Variants in CNTN4 observed in about 807,000 individuals in gnomAD.
The protein encoded by CNTN4 is contactin-4.
CNTN4 carries 77 observed loss-of-function variants against 122.5 expected under a neutral mutation model. The ratio of observed to expected loss-of-function variants is 0.63; its 90% CI spans 0.52 to 0.76. The LOEUF is 0.76. Among genes scored for constraint, CNTN4 ranks in the 30% least tolerant of loss-of-function variants. The probability of loss-of-function intolerance (pLI) is 0.00; values close to 1 mark genes in which losing one functional copy is unlikely to be tolerated. For missense variants in CNTN4, 1,256 were observed against 1,259.1 expected, an observed-to-expected ratio of 1.00 and a Z score of 0.04; for synonymous variants, 512 against 447.0, an observed-to-expected ratio of 1.15 and a Z score of -1.83.
At chr3:2,679,252 T>C (rs940797385) in intron 4 of CNTN4, among the ~76,000 whole-genome samples, 7 of 152,202 alleles carry the variant, frequency 4.6e-5, no homozygotes, top group African/African-American at 1.4e-4. Context: ...ATTGGAGATA[T>C]TGCCTTTTCT....
intron 3 of CNTN4, among the ~76,000 whole-genome samples, chr3:2,521,343 T>TCGTCCCCCCCCCCCCCCCC (rs781282977): frequency 7.8e-6 from 1 of 128,310 alleles, no homozygotes; most frequent in Non-Finnish European, 1.6e-5. Context: ...CCTCTACCCA[T>TCGTCCCCCCCCCCCCCCCC]CCCCCCCACC....
intron 6 of CNTN4, among the ~76,000 whole-genome samples, chr3:2,749,906 C>A (rs1182165726): frequency 1.3e-5 from 2 of 152,122 alleles, no homozygotes; most frequent in Non-Finnish European, 2.9e-5. Context: ...ACAGTGACAT[C>A]TTTTGAATGT....
rs185458080 is a variant in CNTN4 at position 2,840,486 on chromosome 3, G to A, written c.454+20905G>A. On this transcript the variant is annotated intron_variant, in intron 7 of 24. Transcript: ENST00000418658. ...GAGGCCGAGGCGGGCGGATCACGAGGTCAGGAGATCGAGACCATCCTGGCT... is the reference window on the plus strand; with the variant it reads ...GAGGCCGAGGCGGGCGGATCACGAGATCAGGAGATCGAGACCATCCTGGCT... Among the ~76,000 whole-genome samples the A allele has an allele frequency of 5.9e-4, 85 of 144,406 alleles. No homozygotes were observed. The East Asian group carries it at 1.0e-2, about 17-fold the overall frequency. The allele number at this position is 144,406 out of a possible 152,430, so 94.7% of individuals were successfully genotyped here. A position where few individuals can be genotyped will look rare whatever the true frequency, so the allele number is the denominator to read the frequency against.
intron 4 of CNTN4, among the ~76,000 whole-genome samples, chr3:2,640,760 A>C (rs1176833617): frequency 6.6e-6 from 1 of 152,218 alleles, no homozygotes; most frequent in East Asian, 1.9e-4. Context: ...CCTTGATGAC[A>C]GATTTTCCAC....
chr3:2,811,010 G>A (rs2092592155), intron 6 of CNTN4, among the ~76,000 whole-genome samples: 1 of 146,358 alleles, frequency 6.8e-6, no homozygotes, highest in African/African-American at 2.6e-5. Context: ...CAGAATTAGA[G>A]GCTCTGAAAA....
intron 2 of CNTN4, among the ~76,000 whole-genome samples, chr3:2,154,144 G>A (rs2035612166): frequency 6.6e-6 from 1 of 151,968 alleles, no homozygotes. Context: ...CAGCAATTTA[G>A]GAGGCCAAGG....
intron 4 of CNTN4, among the ~76,000 whole-genome samples, chr3:2,707,760 T>C (rs2675298): frequency 0.81 from 123,590 of 152,064 alleles, 50,515 homozygotes; most frequent in African/African-American, 0.9. Context: ...CCTCCCCCTT[T>C]AGCCTCCCTA....
At chr3:3,029,490 C>T (rs1698993422) in intron 15 of CNTN4, among the ~76,000 whole-genome samples, 1 of 152,212 alleles carries the variant, frequency 6.6e-6, no homozygotes, top group South Asian at 2.1e-4. Context: ...GTAGCTCTTC[C>T]TTCACTCCAT....
chr3:2,470,652 T>A (rs1359306801), intron 3 of CNTN4, among the ~76,000 whole-genome samples: 2 of 152,278 alleles, frequency 1.3e-5, no homozygotes, highest in African/African-American at 4.8e-5. Flanking sequence ...TGTATTTCTC[T>A]CTCATATTCT....
chr3:2,732,803 G>A (rs1405883970), intron 4 of CNTN4, among the ~76,000 whole-genome samples: 1 of 152,086 alleles, frequency 6.6e-6, no homozygotes, highest in Non-Finnish European at 1.5e-5. Context: ...TACCTTGATA[G>A]CTAAACTTTC....
intron 2 of CNTN4, among the ~76,000 whole-genome samples, chr3:2,103,724 CTA>C (rs1176457845): frequency 1.8e-5 from 1 of 54,892 alleles, no homozygotes; most frequent in Non-Finnish European, 3.9e-5. Flanking sequence ...TTTTATTTAT[CTA>C]TTTATTTATC....
At chr3:2,928,758 T>A (rs2094495080) in intron 13 of CNTN4, among the ~76,000 whole-genome samples, 1 of 152,228 alleles carries the variant, frequency 6.6e-6, no homozygotes, top group African/African-American at 2.4e-5. Flanking sequence ...AACTCTTACT[T>A]ATTGACATTT....
intron 3 of CNTN4, among the ~76,000 whole-genome samples, chr3:2,405,785 G>A (rs970680134): frequency 2.6e-5 from 4 of 152,140 alleles, no homozygotes; most frequent in African/African-American, 9.7e-5. Flanking sequence ...TACTTTGAGA[G>A]GCTGAGGTGG....
intron 4 of CNTN4, among the ~76,000 whole-genome samples, chr3:2,677,161 A>G (rs1300846851): frequency 1.3e-5 from 2 of 150,822 alleles, no homozygotes; most frequent in East Asian, 3.9e-4. Context: ...AGATAGATAG[A>G]TAGATAGATA....
intron 13 of CNTN4, among the ~76,000 whole-genome samples, chr3:2,980,183 T>A (rs1180913585): frequency 6.6e-6 from 1 of 152,202 alleles, no homozygotes; most frequent in Non-Finnish European, 1.5e-5. Flanking sequence ...AATCTCCAAA[T>A]GACAGTGAGG....
At chr3:3,032,361 A>G (rs746966164) in intron 16 of CNTN4, among the ~76,000 whole-genome samples, 1 of 152,244 alleles carries the variant, frequency 6.6e-6, no homozygotes, top group African/African-American at 2.4e-5. Context: ...TAAATCAGCA[A>G]TACTTGAAGT....
intron 7 of CNTN4, among the ~76,000 whole-genome samples, chr3:2,837,554 G>A (rs930305449): frequency 6.6e-6 from 1 of 152,152 alleles, no homozygotes; most frequent in African/African-American, 2.4e-5. Flanking sequence ...TTTCTGCAGG[G>A]AATGAAAAAA....
In CNTN4 at chr3:2,929,457, G is replaced by A. The variant is rs145353213; in HGVS notation, c.1358+3678G>A. On this transcript the variant is annotated intron_variant, in intron 13 of 24. Coordinates refer to ENST00000418658, the MANE Select transcript of CNTN4 (RefSeq NM_175607.3). Reference sequence around the variant, plus strand: ...GATTATAAGGAGCTATACAACAATTGTATCAACCCAGGGTGGATGCTTTTG... The same window carrying A: ...GATTATAAGGAGCTATACAACAATTATATCAACCCAGGGTGGATGCTTTTG... 3.2e-4 allele frequency among the ~76,000 whole-genome samples: 49 copies of A among 152,270 alleles called. 4 individuals carry two copies. The highest frequency in any genetic ancestry group is 1.0e-3 in the African/African-American group (43 of 41,546).
chr3:2,596,785 A>G (rs1363994137), intron 4 of CNTN4, among the ~76,000 whole-genome samples: 1 of 152,240 alleles, frequency 6.6e-6, no homozygotes, highest in Non-Finnish European at 1.5e-5. Flanking sequence ...GATGTAAATT[A>G]TAAGGCCATT....
Sources: gnomAD v4.1 joint callset for allele counts (sites outside exome capture counted in the v4.1 genomes callset) on GRCh38, gnomAD v4.1.1 for gene constraint, MANE v1.5 for transcripts, NCBI Gene and HGNC (gene_info 2026-07-23, HGNC 2026-07-21) for gene names.